Variants in RAD54L2 observed in about 807,000 individuals in gnomAD.
RAD54L2 encodes the protein helicase ARIP4.
A neutral mutation model predicts 138.4 loss-of-function variants in RAD54L2; 27 were observed. The ratio of observed to expected loss-of-function variants is 0.20; its 90% CI spans 0.14 to 0.27. RAD54L2 has a LOEUF of 0.27. Ranked by LOEUF, RAD54L2 falls within the 10% of genes least tolerant of loss-of-function variation. RAD54L2 has a pLI of 1.00. For missense variants in RAD54L2, 1,396 were observed against 1,890.2 expected (o/e 0.74, Z 4.85); for synonymous variants, 644 against 723.2 (o/e 0.89, Z 1.76).
At position 51,662,409 on chromosome 3, in the gene RAD54L2, C is replaced by G. The variant is rs754683980; in HGVS notation, c.3410-17C>G. On this transcript the variant is annotated splice_polypyrimidine_tract_variant and intron_variant, in intron 22 of 22. Transcript: ENST00000684192. The surrounding 1 kb of genome is among the most constrained non-coding windows in gnomAD (Gnocchi z 4.6). ...CCTGGCCACTCTGATTCTCAGTTAA[C>G]TACATTTTGTCCCCAGGTTCCCAGG... The G allele has an allele frequency of 9.3e-6, 14 of 1,501,636 alleles. No homozygotes were observed. In the South Asian group the frequency reaches 1.9e-4, roughly 20 times the overall value. The allele number at this position is 1,501,636 out of a possible 1,614,324, so 93.0% of individuals were successfully genotyped here. A position where few individuals can be genotyped will look rare whatever the true frequency, so the allele number is the denominator to read the frequency against.
At chr3:51,555,263 G>A (rs1276887447) in intron 2 of RAD54L2, among the ~76,000 whole-genome samples, 1 of 151,958 alleles carries the variant, frequency 6.6e-6, no homozygotes, top group Non-Finnish European at 1.5e-5. Context: ...CACCTTTCTG[G>A]ACAGAACAGA....
At chr3:51,599,126 T>C (rs1700029776) in intron 3 of RAD54L2, among the ~76,000 whole-genome samples, 1 of 152,192 alleles carries the variant, frequency 6.6e-6, no homozygotes. Context: ...ACCTAGCTGA[T>C]ACCTACTGCA....
chr3:51,609,503 A>C (rs1171345113), intron 3 of RAD54L2, among the ~76,000 whole-genome samples: 1 of 152,126 alleles, frequency 6.6e-6, no homozygotes, highest in African/African-American at 2.4e-5. Context: ...TTTCAGTTAC[A>C]CTTGAGTGCA....
At chr3:51,627,978 T>A (rs1409294025) in intron 4 of RAD54L2, among the ~76,000 whole-genome samples, 1 of 152,218 alleles carries the variant, frequency 6.6e-6, no homozygotes, top group Non-Finnish European at 1.5e-5. Context: ...TGACCACTGC[T>A]GGAGGGTCTT....
At chr3:51,559,803 T>C (rs752993143) in intron 2 of RAD54L2, among the ~76,000 whole-genome samples, 2 of 152,218 alleles carry the variant, frequency 1.3e-5, no homozygotes, top group Non-Finnish European at 2.9e-5. Flanking sequence ...TTGCTCCAAG[T>C]GGAACACCGG....
intron 3 of RAD54L2, among the ~76,000 whole-genome samples, chr3:51,606,117 G>C (rs1461503579): frequency 6.7e-6 from 1 of 149,354 alleles, no homozygotes; most frequent in Non-Finnish European, 1.5e-5. Flanking sequence ...TTGGCAGGAG[G>C]TAGTTGGTGG....
chr3:51,640,714 C>T (rs1577451288), intron 14 of RAD54L2, among the ~76,000 whole-genome samples: 2 of 152,214 alleles, frequency 1.3e-5, no homozygotes, highest in East Asian at 3.8e-4. Context: ...TCTAAGGACA[C>T]TGGCTCTCAT....
At chr3:51,653,001 A>G (rs1182363699) in intron 19 of RAD54L2, among the ~76,000 whole-genome samples, 1 of 152,246 alleles carries the variant, frequency 6.6e-6, no homozygotes, top group Non-Finnish European at 1.5e-5. Context: ...CAACCTACAG[A>G]GTGGGAGAAA....
chr3:51,567,923 C>G (rs918755193), intron 2 of RAD54L2, among the ~76,000 whole-genome samples: 2 of 129,414 alleles, frequency 1.5e-5, no homozygotes, highest in Non-Finnish European at 3.1e-5. Context: ...GCCTGGGTGA[C>G]AGAGCAAGAC....
intron 19 of RAD54L2, 141 bp downstream of exon 19, chr3:51,646,622 G>A: frequency 1.1e-6 from 1 of 934,968 alleles, no homozygotes; most frequent in East Asian, 2.7e-5. Flanking sequence ...GGGTAGGTGT[G>A]AAAGCAGTTC....
intron 2 of RAD54L2, among the ~76,000 whole-genome samples, chr3:51,546,356 G>A (rs1168394899): frequency 6.6e-6 from 1 of 152,062 alleles, no homozygotes; most frequent in African/African-American, 2.4e-5. Context: ...AAGGAAAACT[G>A]AAGGCCAGGC....
chr3:51,585,841 C>T (rs1699696188), intron 2 of RAD54L2, among the ~76,000 whole-genome samples: 2 of 152,102 alleles, frequency 1.3e-5, no homozygotes, highest in South Asian at 2.1e-4. Context: ...CAATTTGATT[C>T]CCAGAACTTG....
intron 19 of RAD54L2, among the ~76,000 whole-genome samples, chr3:51,647,376 AAAC>A (rs1300373971): frequency 6.6e-6 from 1 of 152,098 alleles, no homozygotes; most frequent in African/African-American, 2.4e-5. Context: ...CTAATTAAAA[AAAC>A]TTTTTTGGCT....
At chr3:51,575,628 T>G (rs1699462326) in intron 2 of RAD54L2, among the ~76,000 whole-genome samples, 2 of 152,136 alleles carry the variant, frequency 1.3e-5, no homozygotes, top group African/African-American at 4.8e-5. Context: ...TGGGAGTTCA[T>G]TCATGATTTG....
intron 1 of RAD54L2, among the ~76,000 whole-genome samples, 158 bp downstream of exon 1, chr3:51,539,073 A>G (rs188344122): frequency 0.012 from 1,760 of 152,058 alleles, 45 homozygotes; most frequent in African/African-American, 0.038. Context: ...GGGGTCCCCC[A>G]CCCGGGAAAC....
At chr3:51,606,095 G>A (rs2106745466) in intron 3 of RAD54L2, among the ~76,000 whole-genome samples, 1 of 147,776 alleles carries the variant, frequency 6.8e-6, no homozygotes, top group East Asian at 2.0e-4. Flanking sequence ...GAAGCTGTGT[G>A]GGTGGAGGTG....
In RAD54L2 at chr3:51,658,082, G is replaced by A. The variant is rs566499612; in HGVS notation, c.3316+413G>A. Among the ~76,000 whole-genome samples the A allele has an allele frequency of 6.6e-5, 10 of 151,600 alleles. 1 individual carries two copies. The South Asian group carries it at 1.9e-3, about 28-fold the overall frequency. On this transcript the variant is annotated intron_variant, in intron 21 of 22. Transcript: ENST00000684192. ...TGGGACTACAGGCATGCGCCACCACGCACAGCTGATTTTTGTACTTTTTTT... is the reference window on the plus strand; with the variant it reads ...TGGGACTACAGGCATGCGCCACCACACACAGCTGATTTTTGTACTTTTTTT...
chr3:51,610,639 CAAAAA>C (rs538225499), intron 3 of RAD54L2, among the ~76,000 whole-genome samples: 1 of 59,092 alleles, frequency 1.7e-5, no homozygotes. Context: ...GACTCCATCT[CAAAAA>C]AAAAAAAAAA....
rs61245532 is a variant in RAD54L2 at position 51,582,766 on chromosome 3, C to CT, written c.-54-7591dup. Among the ~76,000 whole-genome samples, 36 of 147,302 alleles carry CT rather than the reference C, an allele frequency of 2.4e-4. 1 individual carries two copies. Among genetic ancestry groups the CT allele is most frequent in the South Asian group, 1.1e-3 (5 of 4,656 alleles). Reference sequence around the variant, plus strand: ...CTTGAAGGGTCTAAGCCAGGGAAGTCTTTTTTTTTTGAGACGGAGTCTCGC... The same window carrying CT: ...CTTGAAGGGTCTAAGCCAGGGAAGTCTTTTTTTTTTTGAGACGGAGTCTCGC... On this transcript the variant is annotated intron_variant, in intron 2 of 22. Coordinates refer to ENST00000684192, the MANE Select transcript of RAD54L2 (RefSeq NM_015106.4).
Sources: gnomAD v4.1 joint callset for allele counts (sites outside exome capture counted in the v4.1 genomes callset) on GRCh38, gnomAD v4.1.1 for gene constraint, Gnocchi (gnomAD v3.1) non-coding constraint, MANE v1.5 for transcripts, NCBI Gene and HGNC (gene_info 2026-07-23, HGNC 2026-07-21) for gene names.